The following RIGI variants were observed in gnomAD, a reference collection of about 807,000 sequenced individuals.
RIGI encodes antiviral innate immune response receptor RIG-I.
At chr9:32,473,129 T>A in the RIGI span, 1 of 1,201,494 alleles carries the variant, frequency 8.3e-7, no homozygotes, top group Non-Finnish European at 1.2e-6. Context: ...AATTCAATAT[T>A]GAAATACATG....
At chr9:32,468,022 T>C in the RIGI span, 7 of 1,213,116 alleles carry the variant, frequency 5.8e-6, no homozygotes, top group Non-Finnish European at 8.1e-6. Context: ...ATGCTTATTA[T>C]ATGCCAAGTA....
At chr9:32,505,146 G>T in the RIGI span, among the ~76,000 whole-genome samples, 1 of 148,244 alleles carries the variant, frequency 6.7e-6, no homozygotes, top group Non-Finnish European at 1.5e-5. Flanking sequence ...AGCCTCCAAA[G>T]CAGCCTAGAA....
the RIGI span, chr9:32,456,438 C>T: frequency 6.6e-6 from 1 of 151,998 alleles, no homozygotes; most frequent in African/African-American, 2.4e-5. Flanking sequence ...CGTTGCTACA[C>T]CAGGAACATG....
At chr9:32,488,561 T>C in the RIGI span, among the ~76,000 whole-genome samples, 8 of 152,018 alleles carry the variant, frequency 5.3e-5, no homozygotes, top group Non-Finnish European at 1.0e-4. Flanking sequence ...GGAGTTTAAG[T>C]TTTCTGGTAC....
At chr9:32,507,912 G>GT in the RIGI span, among the ~76,000 whole-genome samples, 1 of 152,094 alleles carries the variant, frequency 6.6e-6, no homozygotes, top group African/African-American at 2.4e-5. Context: ...TTTAAAAGAT[G>GT]TTTGACCTAA....
chr9:32,510,570 C>A, the RIGI span, among the ~76,000 whole-genome samples: 2 of 152,150 alleles, frequency 1.3e-5, no homozygotes, highest in Non-Finnish European at 1.5e-5. Flanking sequence ...GCCTGCCTTA[C>A]AAGAGCTCCT....
At chr9:32,524,751 C>A in the RIGI span, among the ~76,000 whole-genome samples, 74 of 151,770 alleles carry the variant, frequency 4.9e-4, no homozygotes, top group Admixed American at 4.8e-3. Context: ...TACAGGAGTG[C>A]ACCACTACGC....
the RIGI span, among the ~76,000 whole-genome samples, chr9:32,524,381 T>C: frequency 6.6e-6 from 1 of 152,162 alleles, no homozygotes; most frequent in African/African-American, 2.4e-5. Flanking sequence ...CAGTTGTTAG[T>C]GTTTCTTCCA....
chr9:32,525,707 TAAGG>T, the RIGI span, among the ~76,000 whole-genome samples: 1 of 152,220 alleles, frequency 6.6e-6, no homozygotes, highest in South Asian at 2.1e-4. Context: ...TAATGTATAC[TAAGG>T]AAGAGCCCTT....
the RIGI span, among the ~76,000 whole-genome samples, chr9:32,472,641 GTTCCT>G: frequency 5.9e-5 from 9 of 152,180 alleles, no homozygotes; most frequent in African/African-American, 2.2e-4. Context: ...GTTCCAGTCT[GTTCCT>G]GATAGTCTCT....
At chr9:32,525,623 T>C in the RIGI span, among the ~76,000 whole-genome samples, 1 of 152,192 alleles carries the variant, frequency 6.6e-6, no homozygotes, top group African/African-American at 2.4e-5. Context: ...AAGCATCAAC[T>C]TCCTTTAAGC....
chr9:32,522,059 T>A, the RIGI span, among the ~76,000 whole-genome samples: 1 of 152,246 alleles, frequency 6.6e-6, no homozygotes, highest in African/African-American at 2.4e-5. Flanking sequence ...AGAAAACTTC[T>A]AGGACTCTTA....
chr9:32,489,262 T>A, the RIGI span: 2 of 920,136 alleles, frequency 2.2e-6, no homozygotes, highest in Non-Finnish European at 3.3e-6. Context: ...AACTGAAACT[T>A]GCCCATTCTG....
the RIGI span, among the ~76,000 whole-genome samples, chr9:32,519,046 G>A: frequency 4.3e-3 from 655 of 152,254 alleles, 6 homozygotes; most frequent in African/African-American, 0.015. Flanking sequence ...ATATATAGTG[G>A]TATTGGTGAA....
At chr9:32,524,007 C>T in the RIGI span, among the ~76,000 whole-genome samples, 1 of 152,030 alleles carries the variant, frequency 6.6e-6, no homozygotes, top group South Asian at 2.1e-4. Context: ...AATTTATTGT[C>T]TCCTTCCAGC....
At chr9:32,487,429 G>A in the RIGI span, 18 of 1,594,856 alleles carry the variant, frequency 1.1e-5, no homozygotes, top group Admixed American at 1.7e-5. Context: ...AGGTAGTAGA[G>A]AGTAACAGAA....
chr9:32,496,557 T>A, the RIGI span, among the ~76,000 whole-genome samples: 1 of 152,224 alleles, frequency 6.6e-6, no homozygotes, highest in African/African-American at 2.4e-5. Context: ...CTTCAGACTC[T>A]GAATTACACC....
At chr9:32,526,113 C>G in the RIGI span, 2 of 1,613,968 alleles carry the variant, frequency 1.2e-6, no homozygotes, top group Non-Finnish European at 1.7e-6. Flanking sequence ...GGTCCAGGGT[C>G]TTCCGGATAT....
the RIGI span, among the ~76,000 whole-genome samples, chr9:32,478,367 T>C: frequency 1.3e-5 from 2 of 151,532 alleles, no homozygotes; most frequent in African/African-American, 4.8e-5. Flanking sequence ...TTATTACTTT[T>C]TACAATTATC....
Sources: allele counts gnomAD v4.1 joint callset (sites outside exome capture counted in the v4.1 genomes callset), GRCh38; gene constraint gnomAD v4.1.1; transcripts MANE v1.5; gene names NCBI Gene and HGNC (gene_info 2026-07-23, HGNC 2026-07-21).